ERLIN1: variants seen among roughly 807,000 people sequenced by gnomAD.
ERLIN1 encodes erlin-1.
A neutral mutation model predicts 46.9 loss-of-function variants in ERLIN1; 24 were observed. The ratio of observed to expected loss-of-function variants is 0.51; its 90% CI spans 0.37 to 0.72. The LOEUF (loss-of-function observed/expected upper bound fraction) is 0.72. ERLIN1 is among the 30% of genes least tolerant of loss of function. ERLIN1 has a pLI of 0.00. For missense variants in ERLIN1, 293 were observed against 417.9 expected (o/e 0.70, Z 2.61); for synonymous variants, 158 against 143.2 (o/e 1.10, Z -0.74).
chr10:100,172,706 C>T (rs1844071666), intron 6 of ERLIN1, among the ~76,000 whole-genome samples: 1 of 152,096 alleles, frequency 6.6e-6, no homozygotes, highest in Admixed American at 6.5e-5. Flanking sequence ...CAATTATTTG[C>T]ACATATTGCT....
At chr10:100,182,521 C>T (rs1023183979) in intron 2 of ERLIN1, among the ~76,000 whole-genome samples, 3 of 152,186 alleles carry the variant, frequency 2.0e-5, no homozygotes, top group African/African-American at 7.2e-5. Flanking sequence ...ATGTTCATTA[C>T]ACCACATTGC....
chr10:100,179,095 G>T, intron 3 of ERLIN1, 106 bp downstream of exon 3: 1 of 817,022 alleles, frequency 1.2e-6, no homozygotes. Flanking sequence ...AAGTCCCCTT[G>T]GGTTAACTAT....
chr10:100,174,360 T>C, intron 5 of ERLIN1, 79 bp from the exon 6 acceptor site: 1 of 1,019,628 alleles, frequency 9.8e-7, no homozygotes, highest in Non-Finnish European at 1.5e-6. Flanking sequence ...ACAAAACTAA[T>C]CATTATTAGA....
At chr10:100,185,450 A>G in intron 1 of ERLIN1, 64 bp downstream of exon 1, 4 of 1,272,994 alleles carry the variant, frequency 3.1e-6, no homozygotes, top group Non-Finnish European at 4.6e-6. Flanking sequence ...AACTTCCCAG[A>G]CTCCACTCTG....
At position 100,151,865 on chromosome 10, in the gene ERLIN1, C is replaced by G. The variant is rs1842816463; in HGVS notation, c.*266G>C. The G allele has an allele frequency of 3.2e-5, 16 of 499,018 alleles. 1 individual carries two copies. The South Asian group carries it at 3.3e-4, about 10-fold the overall frequency. 30.9% of individuals were successfully genotyped at this position (499,018 alleles called of 1,614,324 possible). A position where few individuals can be genotyped will look rare whatever the true frequency, so the allele number is the denominator to read the frequency against. ...TTTAACATTCCAGTGCAGGCAGTAT[C>G]TTAGCATCAGACTTTCCTCATTCAT... On this transcript the variant is annotated 3_prime_UTR_variant, in exon 11 of 11. Transcript: ENST00000421367.
At chr10:100,168,529 G>GGT (rs376603952) in intron 6 of ERLIN1, among the ~76,000 whole-genome samples, 7,420 of 152,222 alleles carry the variant, frequency 0.049, 590 homozygotes, top group African/African-American at 0.17. Context: ...ACCAGATTTT[G>GGT]TGAGATGTCA....
intron 2 of ERLIN1, among the ~76,000 whole-genome samples, chr10:100,179,826 T>G (rs1281357212): frequency 6.6e-6 from 1 of 152,178 alleles, no homozygotes; most frequent in African/African-American, 2.4e-5. Context: ...AGTAGAAAAC[T>G]CTTCCAGAGT....
chr10:100,183,696 G>T, intron 2 of ERLIN1, 60 bp downstream of exon 2: 1 of 1,099,526 alleles, frequency 9.1e-7, no homozygotes, highest in Non-Finnish European at 1.4e-6. Context: ...ACCCACAAGT[G>T]TGGTAACTCC....
intron 2 of ERLIN1, among the ~76,000 whole-genome samples, chr10:100,182,627 CCTTT>C (rs1844726634): frequency 6.6e-6 from 1 of 152,126 alleles, no homozygotes; most frequent in Non-Finnish European, 1.5e-5. Context: ...AAAACTGGAG[CCTTT>C]CTGGAAAGAA....
intron 10 of ERLIN1, among the ~76,000 whole-genome samples, 154 bp from the exon 11 acceptor site, chr10:100,152,506 T>A (rs1349306696): frequency 1.3e-5 from 2 of 152,226 alleles, no homozygotes; most frequent in African/African-American, 4.8e-5. Context: ...AGAGTGGCTA[T>A]CACATTAACA....
intron 7 of ERLIN1, among the ~76,000 whole-genome samples, chr10:100,166,635 A>G (rs1314708003): frequency 6.6e-6 from 1 of 152,236 alleles, no homozygotes; most frequent in African/African-American, 2.4e-5. Flanking sequence ...TGACTTGTGC[A>G]AATTTATTTT....
chr10:100,158,033 A>C (rs984895686), intron 8 of ERLIN1, among the ~76,000 whole-genome samples: 1 of 152,212 alleles, frequency 6.6e-6, no homozygotes, highest in African/African-American at 2.4e-5. Flanking sequence ...GCCAAGGGGG[A>C]GCCGAGAGCC....
Position 100,152,062 on chromosome 10 carries a change from G to A in ERLIN1, c.*69C>T, listed in dbSNP as rs529825517. On this transcript the variant is annotated 3_prime_UTR_variant, in exon 11 of 11. Coordinates refer to ENST00000421367, the MANE Select transcript of ERLIN1 (RefSeq NM_006459.4). ...AGTTCTCTGTAAATCTGAAGAGTCC[G>A]TATAATGATTGTTCCCACTTAACCC... The A allele has an allele frequency of 7.4e-6, 7 of 943,882 alleles. No individual in the cohort carries two copies. Among genetic ancestry groups the A allele is most frequent in the East Asian group, 7.3e-5 (3 of 41,220 alleles). 58.5% of individuals were successfully genotyped at this position (943,882 alleles called of 1,614,324 possible). A position where few individuals can be genotyped will look rare whatever the true frequency, so the allele number is the denominator to read the frequency against.
chr10:100,159,773 C>A (rs573672322), intron 8 of ERLIN1, among the ~76,000 whole-genome samples: 3 of 151,088 alleles, frequency 2.0e-5, no homozygotes, highest in Non-Finnish European at 4.4e-5. Context: ...CTAAAGCAAT[C>A]CTTAGAAGAA....
intron 8 of ERLIN1, 64 bp downstream of exon 8, chr10:100,163,940 G>A: frequency 9.2e-7 from 1 of 1,083,710 alleles, no homozygotes; most frequent in Non-Finnish European, 1.4e-6. Context: ...CCCAAAATGA[G>A]ACTGACAAAG....
chr10:100,152,209 T>C lies in ERLIN1; in HGVS notation c.969A>G (p.Arg323=), dbSNP rs1189437593. Residue 323 remains arginine (R), a synonymous_variant, in exon 11 of 11, where the codon AGA becomes AGG. Transcript: ENST00000421367. The part of the protein sequence containing the change: ...ALKYSDIRTG[R]ESSLPSKEAL... ...CCTCCTTAGAGGGGAGTGAGCTTTC[T>C]CTTCCAGTCCTAATATCTGAATATT... The C allele has an allele frequency of 1.2e-6, 2 of 1,613,560 alleles. No individual in the cohort carries two copies. Among genetic ancestry groups the C allele is most frequent in the South Asian group, 2.2e-5 (2 of 91,070 alleles).
At chr10:100,170,081 A>G (rs1843900703) in intron 6 of ERLIN1, among the ~76,000 whole-genome samples, 1 of 152,244 alleles carries the variant, frequency 6.6e-6, no homozygotes, top group South Asian at 2.1e-4. Flanking sequence ...GCTTGAAAAT[A>G]TCGATAATGA....
chr10:100,154,829 T>C, intron 10 of ERLIN1, 31 bp downstream of exon 10: 1 of 1,576,944 alleles, frequency 6.3e-7, no homozygotes, highest in Non-Finnish European at 8.7e-7. Flanking sequence ...CCGAAATGCA[T>C]CATTAGGAAA....
chr10:100,160,922 G>A (rs1168934365), intron 8 of ERLIN1, among the ~76,000 whole-genome samples: 1 of 152,198 alleles, frequency 6.6e-6, no homozygotes, highest in East Asian at 1.9e-4. Context: ...ACTCCAGCCT[G>A]GGTGGCAAAG....
Sources: gnomAD v4.1 joint callset for allele counts (sites outside exome capture counted in the v4.1 genomes callset) on GRCh38, gnomAD v4.1.1 for gene constraint, MANE v1.5 for transcripts, NCBI Gene and HGNC (gene_info 2026-07-23, HGNC 2026-07-21) for gene names.